PDE4D: variants seen among roughly 807,000 people sequenced by gnomAD.
The protein encoded by PDE4D is phosphodiesterase 4D.
PDE4D carries 24 observed loss-of-function variants against 87.4 expected under a neutral mutation model. The observed-to-expected ratio is 0.27, with a 90% CI of 0.20 to 0.39. The LOEUF is 0.39. PDE4D is among the 10% of genes least tolerant of loss of function. PDE4D has a pLI of 1.00. For synonymous variants in PDE4D, 384 were observed against 383.2 expected (o/e 1.00, Z -0.02); for missense variants, 714 against 1,041.0 (o/e 0.69, Z 4.32).
chr5:59,047,203 T>C (rs189929358), intron 5 of PDE4D, among the ~76,000 whole-genome samples: 74 of 152,322 alleles, frequency 4.9e-4, no homozygotes, highest in Middle Eastern at 6.8e-3. Context: ...TATCAACTAA[T>C]ACCTAGGTAT....
intron 1 of PDE4D, among the ~76,000 whole-genome samples, chr5:59,598,642 T>C (rs1017099404): frequency 5.9e-5 from 9 of 152,054 alleles, no homozygotes; most frequent in African/African-American, 1.7e-4. Context: ...TAGCCCCAAA[T>C]CCCTGACAGC....
chr5:60,038,475 C>T (rs6859476), intron 2 of PDE4D, among the ~76,000 whole-genome samples: 75,562 of 151,480 alleles, frequency 0.5, 19,306 homozygotes, highest in East Asian at 0.82. Context: ...TTCTGTTCCA[C>T]TGATCTATAT....
intron 1 of PDE4D, among the ~76,000 whole-genome samples, chr5:59,561,859 G>T (rs922943997): frequency 1.6e-4 from 24 of 151,918 alleles, no homozygotes; most frequent in African/African-American, 4.8e-4. Context: ...TTGAACCCGG[G>T]AGGCAGATGT....
At chr5:60,095,778 G>A (rs1775614647) in intron 2 of PDE4D, among the ~76,000 whole-genome samples, 1 of 152,066 alleles carries the variant, frequency 6.6e-6, no homozygotes, top group African/African-American at 2.4e-5. Context: ...TTTAATGACT[G>A]CCATTCTAAC....
intron 1 of PDE4D, among the ~76,000 whole-genome samples, chr5:59,583,885 G>A (rs1272555196): frequency 1.3e-5 from 2 of 152,186 alleles, no homozygotes; most frequent in Admixed American, 6.5e-5. Flanking sequence ...CACATGCCAA[G>A]TCCCGCCTCT....
rs141507937 is a variant in PDE4D at position 60,141,163 on chromosome 5, C to A, written c.42+44394G>T. Among the ~76,000 whole-genome samples the A allele has an allele frequency of 2.0e-5, 3 of 152,246 alleles. No individual in the cohort carries two copies. The East Asian group carries it at 5.8e-4, about 29-fold the overall frequency. ...AGCTCCAGTAAAGAGAGACTGGAAT[C>A]AATGTGCCCCAAATCAAAATTCCTC... On this transcript the variant is annotated intron_variant, in intron 2 of 16. Coordinates refer to the PDE4D transcript ENST00000502484.
At chr5:60,193,415 A>C (rs1226418011) in intron 1 of PDE4D, among the ~76,000 whole-genome samples, 1 of 152,204 alleles carries the variant, frequency 6.6e-6, no homozygotes, top group East Asian at 1.9e-4. Flanking sequence ...TCACGCCTGT[A>C]ATCCCAGCAC....
chr5:59,598,894 C>A (rs994314832), intron 1 of PDE4D, among the ~76,000 whole-genome samples: 5 of 152,182 alleles, frequency 3.3e-5, no homozygotes, highest in South Asian at 2.1e-4. Context: ...CAGTGGGTGA[C>A]AAAATGAAAC....
At chr5:59,091,312 C>T (rs1332258390) in intron 5 of PDE4D, among the ~76,000 whole-genome samples, 1 of 152,026 alleles carries the variant, frequency 6.6e-6, no homozygotes, top group Non-Finnish European at 1.5e-5. Flanking sequence ...CGCTTATGTG[C>T]ATCAAGATAC....
chr5:60,467,489 C>G (rs1442394566), intron 1 of PDE4D, among the ~76,000 whole-genome samples: 1 of 152,238 alleles, frequency 6.6e-6, no homozygotes, highest in Non-Finnish European at 1.5e-5. Flanking sequence ...CTTGCCTTCA[C>G]AGCCTATGGT....
At chr5:59,402,840 T>A (rs1458490410) in intron 1 of PDE4D, among the ~76,000 whole-genome samples, 1 of 152,094 alleles carries the variant, frequency 6.6e-6, no homozygotes, top group African/African-American at 2.4e-5. Flanking sequence ...GATTTCACAC[T>A]CTTTCACCAT....
At chr5:58,984,011 A>G (rs757025427) in intron 11 of PDE4D, among the ~76,000 whole-genome samples, 17 of 152,348 alleles carry the variant, frequency 1.1e-4, no homozygotes, top group Non-Finnish European at 2.4e-4. Context: ...GGCAGACACT[A>G]TAGATATGTA....
At chr5:60,104,095 C>A (rs1776558923) in intron 2 of PDE4D, among the ~76,000 whole-genome samples, 1 of 152,148 alleles carries the variant, frequency 6.6e-6, no homozygotes, top group Non-Finnish European at 1.5e-5. Context: ...TCAGGGAGTT[C>A]CCTTTCCTAG....
chr5:60,305,671 T>A (rs1754431485), intron 1 of PDE4D, among the ~76,000 whole-genome samples: 1 of 143,274 alleles, frequency 7.0e-6, no homozygotes, highest in Admixed American at 6.9e-5. Flanking sequence ...GAAAAAAAAA[T>A]CCTGCAAGAT....
At chr5:59,196,832 A>G (rs1396614989) in intron 2 of PDE4D, among the ~76,000 whole-genome samples, 2 of 152,184 alleles carry the variant, frequency 1.3e-5, no homozygotes, top group African/African-American at 4.8e-5. Flanking sequence ...TAAAAATTCC[A>G]TAATGGGAGG....
At position 58,975,170 on chromosome 5, in the gene PDE4D, C is replaced by T. The variant is rs1357669518; in HGVS notation, c.2014-90G>A. The T allele has an allele frequency of 8.2e-6, 6 of 728,372 alleles. No individual in the cohort carries two copies. Among genetic ancestry groups the T allele is most frequent in the South Asian group, 4.1e-5 (1 of 24,486 alleles). The allele number at this position is 728,372 out of a possible 1,614,324, so 45.1% of individuals were successfully genotyped here. A position where few individuals can be genotyped will look rare whatever the true frequency, so the allele number is the denominator to read the frequency against. ...ATTAGATCATGGCCCACAAATAAAACACTGAACAGAAGACTACTAAACTTA... is the reference window on the plus strand; with the variant it reads ...ATTAGATCATGGCCCACAAATAAAATACTGAACAGAAGACTACTAAACTTA... On this transcript the variant is annotated intron_variant, in intron 14 of 14. Coordinates refer to ENST00000340635, the MANE Select transcript of PDE4D (RefSeq NM_001104631.2). The surrounding 1 kb of genome is among the most constrained non-coding windows in gnomAD (Gnocchi z 4.2).
chr5:59,940,519 T>C (rs1453611668), intron 3 of PDE4D, among the ~76,000 whole-genome samples: 1 of 152,124 alleles, frequency 6.6e-6, no homozygotes, highest in Non-Finnish European at 1.5e-5. Flanking sequence ...GGTGGGGTGA[T>C]AAGCAGGGAG....
intron 1 of PDE4D, among the ~76,000 whole-genome samples, chr5:60,243,776 A>C (rs546337059): frequency 6.6e-6 from 1 of 152,122 alleles, no homozygotes; most frequent in South Asian, 2.1e-4. Context: ...AAAAATCCTC[A>C]AAAACCTATG....
chr5:59,016,765 T>G (rs894207960), intron 6 of PDE4D, among the ~76,000 whole-genome samples: 2 of 152,166 alleles, frequency 1.3e-5, no homozygotes, highest in African/African-American at 4.8e-5. Context: ...TTTTTTAGAA[T>G]GGTTATTCAC....
Sources: gnomAD v4.1 joint callset for allele counts (sites outside exome capture counted in the v4.1 genomes callset) on GRCh38, gnomAD v4.1.1 for gene constraint, Gnocchi (gnomAD v3.1) non-coding constraint, MANE v1.5 for transcripts, NCBI Gene and HGNC (gene_info 2026-07-23, HGNC 2026-07-21) for gene names.